The following PDE1C variants were observed in gnomAD, a reference collection of about 807,000 sequenced individuals.
PDE1C encodes the protein phosphodiesterase 1C, also known as dual specificity calcium/calmodulin-dependent 3',5'-cyclic nucleotide phosphodiesterase 1C.
In PDE1C, 62 loss-of-function variants were observed where a neutral mutation model predicts 93.1. That is an observed-to-expected ratio of 0.67 (90% CI 0.54 to 0.82). PDE1C has a LOEUF of 0.82. PDE1C is among the 40% of genes least tolerant of loss of function. The pLI is 0.00. For missense variants in PDE1C, 742 were observed against 884.6 expected, an observed-to-expected ratio of 0.84 and a Z score of 2.04; for synonymous variants, 325 against 310.1, an observed-to-expected ratio of 1.05 and a Z score of -0.50.
At chr7:31,647,282 G>A in the PDE1C span, among the ~76,000 whole-genome samples, 9 of 152,194 alleles carry the variant, frequency 5.9e-5, no homozygotes, top group Non-Finnish European at 1.3e-4. Context: ...TGCTAGACAG[G>A]GCTAGAAAAA....
At position 31,816,028 on chromosome 7, in the gene PDE1C, C is replaced by G; in HGVS notation, c.1709G>C (p.Gly570Ala). 1 of 1,613,984 alleles carries G rather than the reference C, an allele frequency of 6.2e-7. No homozygotes were observed. Among genetic ancestry groups the G allele is most frequent in the Non-Finnish European group, 8.5e-7 (1 of 1,179,910 alleles). The change falls in exon 15 of 18, where the codon GGA becomes GCA. Residue 570 changes from glycine (G) to alanine (A), a missense_variant. Transcript: ENST00000396191. Reference sequence around the variant, plus strand: ...TCCATTGACTTGATTCTTAGTTTCTCCAGACGTCTTTTTCTCAGCTTTGCC... The same window carrying G: ...TCCATTGACTTGATTCTTAGTTTCTGCAGACGTCTTTTTCTCAGCTTTGCC... ...ASGKAEKKTS[G>A]ETKNQVNGTR...
intron 2 of PDE1C, among the ~76,000 whole-genome samples, chr7:32,172,878 G>GAAT (rs1338271286): frequency 9.7e-5 from 14 of 144,344 alleles, no homozygotes. Flanking sequence ...CGAGGCTGTG[G>GAAT]AGAAATAGGA....
At chr7:31,976,372 A>C (rs573474273) in intron 2 of PDE1C, among the ~76,000 whole-genome samples, 1 of 152,338 alleles carries the variant, frequency 6.6e-6, no homozygotes, top group African/African-American at 2.4e-5. Flanking sequence ...ACAAAGCATA[A>C]GAGGACTGTT....
chr7:31,885,558 G>A (rs748433295), intron 2 of PDE1C, among the ~76,000 whole-genome samples: 8 of 152,146 alleles, frequency 5.3e-5, no homozygotes, highest in East Asian at 1.9e-4. Context: ...GATCCAGAGC[G>A]AGCCCTGGAT....
intron 1 of PDE1C, among the ~76,000 whole-genome samples, chr7:32,285,240 T>C (rs1053905491): frequency 4.6e-5 from 7 of 152,158 alleles, no homozygotes; most frequent in Non-Finnish European, 8.8e-5. Flanking sequence ...TCGAAAACTT[T>C]CATACATCAC....
At chr7:32,175,890 T>A (rs1802953347) in intron 2 of PDE1C, among the ~76,000 whole-genome samples, 1 of 152,196 alleles carries the variant, frequency 6.6e-6, no homozygotes, top group Non-Finnish European at 1.5e-5. Flanking sequence ...TTGTGTCCCA[T>A]GGAATGCAAT....
chr7:31,887,373 G>A lies in PDE1C; in HGVS notation c.129-6513C>T, dbSNP rs566229607. On this transcript the variant is annotated intron_variant, in intron 2 of 17. Transcript: ENST00000396191. ...CCTTTTGTTAATGCTATAAATAAAA[G>A]AGAATTTTACTTCTACAGTTTCTAA... Among the ~76,000 whole-genome samples the A allele has an allele frequency of 2.7e-5, 4 of 146,642 alleles. No homozygotes were observed. The South Asian group carries it at 8.3e-4, about 31-fold the overall frequency.
intron 2 of PDE1C, among the ~76,000 whole-genome samples, chr7:32,044,056 A>G (rs1054343519): frequency 2.0e-5 from 3 of 152,152 alleles, no homozygotes; most frequent in African/African-American, 7.2e-5. Context: ...GTCATGCCCA[A>G]TGCTTTTGGG....
the PDE1C span, among the ~76,000 whole-genome samples, chr7:31,622,073 C>G: frequency 5.0e-5 from 7 of 140,694 alleles, no homozygotes; most frequent in Non-Finnish European, 9.3e-5. Flanking sequence ...AATATATATG[C>G]ACCCAATACA....
chr7:32,189,388 A>G (rs745895600), intron 2 of PDE1C, among the ~76,000 whole-genome samples: 11 of 152,182 alleles, frequency 7.2e-5, no homozygotes, highest in Non-Finnish European at 4.4e-5. Flanking sequence ...AATTTTCTAT[A>G]ATTTATACTT....
At chr7:32,357,764 G>A (rs531284404) in intron 1 of PDE1C, among the ~76,000 whole-genome samples, 61 of 152,258 alleles carry the variant, frequency 4.0e-4, no homozygotes, top group African/African-American at 1.3e-3. Flanking sequence ...GTGGTAACAC[G>A]TAAATCACTG....
chr7:31,880,120 G>A (rs912979829), intron 3 of PDE1C, among the ~76,000 whole-genome samples: 2 of 151,922 alleles, frequency 1.3e-5, no homozygotes, highest in Non-Finnish European at 2.9e-5. Flanking sequence ...TACTGACAGA[G>A]AAGCCTGTCT....
intron 1 of PDE1C, among the ~76,000 whole-genome samples, chr7:32,236,120 T>A (rs1213570564): frequency 6.6e-6 from 1 of 152,094 alleles, no homozygotes; most frequent in Non-Finnish European, 1.5e-5. Context: ...CTAGACCTCA[T>A]ACATTATAAA....
the PDE1C span, among the ~76,000 whole-genome samples, chr7:31,629,448 C>G: frequency 6.6e-6 from 1 of 152,112 alleles, no homozygotes; most frequent in African/African-American, 2.4e-5. Context: ...GACAGAAACA[C>G]AGCTTGTAGG....
intron 12 of PDE1C, among the ~76,000 whole-genome samples, chr7:31,827,481 A>G (rs1030863371): frequency 2.0e-5 from 3 of 152,258 alleles, no homozygotes; most frequent in Non-Finnish European, 4.4e-5. Context: ...CCCATCACCC[A>G]ATACTGGTTT....
At chr7:32,305,310 C>G (rs1215060236) in intron 1 of PDE1C, among the ~76,000 whole-genome samples, 1 of 152,184 alleles carries the variant, frequency 6.6e-6, no homozygotes, top group Non-Finnish European at 1.5e-5. Flanking sequence ...ATCCAGGGCA[C>G]AGCTTCCTCC....
At chr7:32,218,232 C>A (rs747514211) in intron 1 of PDE1C, among the ~76,000 whole-genome samples, 1 of 152,240 alleles carries the variant, frequency 6.6e-6, no homozygotes. Context: ...TTTCCCACTT[C>A]TTTATTCAGA....
At chr7:31,626,901 A>C in the PDE1C span, among the ~76,000 whole-genome samples, 1 of 152,268 alleles carries the variant, frequency 6.6e-6, no homozygotes, top group African/African-American at 2.4e-5. Flanking sequence ...TTTGTGGGAT[A>C]AACAAATAAA....
At chr7:32,314,921 A>G (rs934034507) in intron 1 of PDE1C, among the ~76,000 whole-genome samples, 1 of 151,448 alleles carries the variant, frequency 6.6e-6, no homozygotes, top group Non-Finnish European at 1.5e-5. Context: ...CAAATTGGAC[A>G]ATAAATATGT....
Sources: allele counts gnomAD v4.1 joint callset (sites outside exome capture counted in the v4.1 genomes callset), GRCh38; gene constraint gnomAD v4.1.1; transcripts MANE v1.5; gene names NCBI Gene and HGNC (gene_info 2026-07-23, HGNC 2026-07-21).